The following PAPPA2 variants were observed in gnomAD, a reference collection of about 807,000 sequenced individuals.
PAPPA2 encodes pappalysin 2.
A neutral mutation model predicts 176.4 loss-of-function variants in PAPPA2; 86 were observed. The ratio of observed to expected loss-of-function variants is 0.49; its 90% CI spans 0.41 to 0.58. PAPPA2 has a LOEUF of 0.58. Ranked by LOEUF, PAPPA2 falls within the 20% of genes least tolerant of loss-of-function variation. The probability of loss-of-function intolerance (pLI) is 0.00; values close to 1 mark genes in which losing one functional copy is unlikely to be tolerated. For missense variants in PAPPA2, 2,073 were observed against 2,256.9 expected (o/e 0.92, Z 1.65); for synonymous variants, 809 against 852.2 (o/e 0.95, Z 0.88).
chr1:176,515,049 G>A (rs997949133), intron 1 of PAPPA2, among the ~76,000 whole-genome samples: 7 of 152,130 alleles, frequency 4.6e-5, no homozygotes, highest in Non-Finnish European at 1.0e-4. Flanking sequence ...ATATTAATGG[G>A]CAAGATATTC....
chr1:176,823,911 T>C (rs188678753), intron 21 of PAPPA2, among the ~76,000 whole-genome samples: 1 of 151,726 alleles, frequency 6.6e-6, no homozygotes, highest in Non-Finnish European at 1.5e-5. Flanking sequence ...ACCATGGAGG[T>C]CAGGGTGTTA....
chr1:176,699,011 A>C, intron 7 of PAPPA2, 89 bp from the exon 8 acceptor site: 1 of 1,454,106 alleles, frequency 6.9e-7, no homozygotes, highest in Non-Finnish European at 9.3e-7. Context: ...AGTTCTCTCC[A>C]TAGTTCCTCT....
At chr1:176,647,745 G>T (rs1436654482) in intron 3 of PAPPA2, among the ~76,000 whole-genome samples, 1 of 151,396 alleles carries the variant, frequency 6.6e-6, no homozygotes, top group African/African-American at 2.4e-5. Flanking sequence ...TTAATATCTG[G>T]GTTCTCTACT....
At chr1:176,502,407 C>T (rs1648019315) in intron 1 of PAPPA2, among the ~76,000 whole-genome samples, 1 of 152,136 alleles carries the variant, frequency 6.6e-6, no homozygotes. Context: ...CTAAAACTTT[C>T]TTCATTGGGA....
chr1:176,691,160 G>A, intron 5 of PAPPA2: 2 of 984,124 alleles, frequency 2.0e-6, no homozygotes, highest in Non-Finnish European at 2.4e-6. Flanking sequence ...TTCCTATAAT[G>A]GACTCAAAGT....
chr1:176,471,118 G>A (rs1651852669), intron 1 of PAPPA2, among the ~76,000 whole-genome samples: 1 of 152,210 alleles, frequency 6.6e-6, no homozygotes, highest in African/African-American at 2.4e-5. Context: ...TTGTTACTTG[G>A]TACAACAAGA....
At chr1:176,538,717 C>G (rs1469616331) in intron 1 of PAPPA2, among the ~76,000 whole-genome samples, 1 of 152,162 alleles carries the variant, frequency 6.6e-6, no homozygotes, top group East Asian at 1.9e-4. Context: ...CTCAGGCAAT[C>G]TCCTTTAAAA....
chr1:176,675,942 CAGATGATATACAGATGG>C (rs1315010477), intron 4 of PAPPA2, among the ~76,000 whole-genome samples: 1 of 152,000 alleles, frequency 6.6e-6, no homozygotes, highest in Non-Finnish European at 1.5e-5. Context: ...CATTTTACTA[CAGATGATATACAGATGG>C]AAAATAAATC....
chr1:176,625,585 C>T (rs576731363), intron 3 of PAPPA2, among the ~76,000 whole-genome samples: 1 of 152,320 alleles, frequency 6.6e-6, no homozygotes, highest in South Asian at 2.1e-4. Context: ...TGATGCAATA[C>T]ATAATTGTCT....
rs376329587 is a variant in PAPPA2, at chr1:176,556,482, G to A, written c.160G>A (p.Ala54Thr). 4.9e-5 allele frequency: 79 copies of A among 1,614,060 alleles called. No homozygotes were observed. The highest frequency in any genetic ancestry group is 1.6e-4 in the Middle Eastern group (1 of 6,084). Residue 54 changes from alanine to threonine, a missense_variant, in exon 2 of 23, where the codon GCC becomes ACC. This residue lies in a region of PAPPA2 where 1,196 missense variants were observed against 1,330.4 expected (regional missense o/e 0.90). Coordinates refer to ENST00000367662, the MANE Select transcript of PAPPA2 (RefSeq NM_020318.3). ...GGAAGGAGAACGTTGTTGGCTGGGG[G>A]CCAAGGTTCGAAGACCCAGAGCTTC... ...LLEGERCWLGAKVRRPRASPQ... is the reference protein window; with the variant it reads ...LLEGERCWLGTKVRRPRASPQ...
intron 21 of PAPPA2, among the ~76,000 whole-genome samples, chr1:176,832,503 C>T (rs1281617765): frequency 6.6e-6 from 1 of 152,082 alleles, no homozygotes; most frequent in South Asian, 2.1e-4. Context: ...CAGGCGTGTG[C>T]CACTGCACCT....
chr1:176,678,513 A>G (rs1287635330), intron 4 of PAPPA2, among the ~76,000 whole-genome samples: 3 of 152,184 alleles, frequency 2.0e-5, no homozygotes, highest in African/African-American at 7.2e-5. Context: ...AGAAAACAAA[A>G]TACCACCTCT....
intron 8 of PAPPA2, 149 bp from the exon 9 acceptor site, chr1:176,702,458 C>T (rs1482709427): frequency 6.7e-6 from 8 of 1,185,448 alleles, no homozygotes; most frequent in Non-Finnish European, 8.1e-6. Flanking sequence ...AAGACTGTGC[C>T]CTGATCTTTG....
At chr1:176,628,392 A>G (rs1267463578) in intron 3 of PAPPA2, among the ~76,000 whole-genome samples, 2 of 152,142 alleles carry the variant, frequency 1.3e-5, no homozygotes, top group South Asian at 2.1e-4. Context: ...CAATTAATGA[A>G]CTTGTTATTA....
At chr1:176,662,314 A>G (rs753838755) in intron 3 of PAPPA2, among the ~76,000 whole-genome samples, 1 of 152,184 alleles carries the variant, frequency 6.6e-6, no homozygotes, top group Non-Finnish European at 1.5e-5. Flanking sequence ...AGCATCTGGC[A>G]TACAGTCAGG....
intron 1 of PAPPA2, among the ~76,000 whole-genome samples, chr1:176,536,812 A>G (rs1324879866): frequency 6.6e-6 from 1 of 152,196 alleles, no homozygotes; most frequent in Non-Finnish European, 1.5e-5. Flanking sequence ...AATCCAGGAA[A>G]GAGTAAAGAA....
intron 1 of PAPPA2, among the ~76,000 whole-genome samples, chr1:176,495,537 C>CA (rs537075802): frequency 0.057 from 3,975 of 69,610 alleles, 69 homozygotes; most frequent in Middle Eastern, 0.14. Context: ...AACTCTGTTT[C>CA]AAAAAAAAAA....
intron 12 of PAPPA2, among the ~76,000 whole-genome samples, chr1:176,725,704 G>A (rs1372061483): frequency 1.3e-5 from 2 of 152,034 alleles, no homozygotes; most frequent in African/African-American, 4.8e-5. Flanking sequence ...ACACACGCAC[G>A]CGCGCGCACA....
chr1:176,463,505 G>T (rs1651473333), intron 1 of PAPPA2, 87 bp downstream of exon 1: 1 of 152,348 alleles, frequency 6.6e-6, no homozygotes, highest in Non-Finnish European at 1.5e-5. Flanking sequence ...GGCTTGTGCA[G>T]GGGGGTGTTA....
Sources: allele counts gnomAD v4.1 joint callset (sites outside exome capture counted in the v4.1 genomes callset), GRCh38; gene constraint gnomAD v4.1.1; regional missense constraint gnomAD v4.1.1; transcripts MANE v1.5; gene names NCBI Gene and HGNC (gene_info 2026-07-23, HGNC 2026-07-21).